Variants in LRP6 observed in about 807,000 individuals in gnomAD.
LRP6 encodes the protein low-density lipoprotein receptor-related protein 6.
In LRP6, 43 loss-of-function variants were observed where a neutral mutation model predicts 184.1. That is an observed-to-expected ratio of 0.23 (90% CI 0.18 to 0.30). The LOEUF is 0.30. Ranked by LOEUF, LRP6 falls within the 10% of genes least tolerant of loss-of-function variation. The pLI is 1.00. For missense variants in LRP6, 1,571 were observed against 2,005.3 expected (o/e 0.78, Z 4.14); for synonymous variants, 719 against 684.9 (o/e 1.05, Z -0.78).
intron 7 of LRP6, among the ~76,000 whole-genome samples, chr12:12,171,883 C>T (rs1009870684): frequency 6.6e-6 from 1 of 152,202 alleles, no homozygotes; most frequent in Admixed American, 6.5e-5. Context: ...AAAGAAATCA[C>T]TATTCCATTT....
chr12:12,244,122 T>C (rs1865129401), intron 2 of LRP6, 140 bp downstream of exon 2: 1 of 819,332 alleles, frequency 1.2e-6, no homozygotes, highest in South Asian at 1.5e-5. Context: ...CACATTCAAG[T>C]CTACTCAACA....
chr12:12,181,119 T>C lies in LRP6; in HGVS notation c.1297A>G (p.Asn433Asp), dbSNP rs1169179510. ...ATCAAGATCTTCCTCATGGTCCCAT[T>C]GAGCCTTGTCACTTCTATTCGATCA... ...GTDRIEVTRLNGTMRKILISE... is the reference protein window; with the variant it reads ...GTDRIEVTRLDGTMRKILISE... The change falls in exon 6 of 23, where the codon AAT becomes GAT. Residue 433 changes from asparagine (N) to aspartate (D), a missense_variant. Asn to Asp is a conservative substitution (Grantham distance 23). Around this residue, in one of 4 missense-constraint regions of LRP6, gnomAD observed 640 missense variants for 851.9 expected, o/e 0.75. Coordinates refer to ENST00000261349, the MANE Select transcript of LRP6 (RefSeq NM_002336.3). 1 of 1,614,138 alleles carries C rather than the reference T, an allele frequency of 6.2e-7. No homozygotes were observed. Among genetic ancestry groups the C allele is most frequent in the East Asian group, 2.2e-5 (1 of 44,886 alleles).
chr12:12,147,295 G>T, intron 15 of LRP6, 71 bp downstream of exon 15: 1 of 1,526,626 alleles, frequency 6.6e-7, no homozygotes, highest in Non-Finnish European at 9.1e-7. Context: ...ACAATACGAT[G>T]CAAGAAAAAC....
chr12:12,256,805 C>CA (rs1416918556), intron 1 of LRP6, among the ~76,000 whole-genome samples: 11 of 151,382 alleles, frequency 7.3e-5, no homozygotes, highest in East Asian at 1.9e-4. Context: ...GACTCTGTTT[C>CA]AAAAAAAACA....
intron 4 of LRP6, chr12:12,186,672 T>G (rs1863483794): frequency 2.5e-6 from 1 of 392,324 alleles, no homozygotes; most frequent in Non-Finnish European, 4.7e-6. Flanking sequence ...TTTTTTTTTT[T>G]TTTTGAGACA....
intron 17 of LRP6, among the ~76,000 whole-genome samples, chr12:12,132,454 C>T (rs541398929): frequency 1.3e-5 from 2 of 152,136 alleles, no homozygotes; most frequent in Non-Finnish European, 2.9e-5. Context: ...AACCCTTAGG[C>T]GTTCCTGAGA....
At chr12:12,193,961 C>G (rs547158818) in intron 3 of LRP6, among the ~76,000 whole-genome samples, 5 of 151,948 alleles carry the variant, frequency 3.3e-5, no homozygotes, top group Admixed American at 3.3e-4. Flanking sequence ...ATTAGCAAAC[C>G]AAATCTAACA....
intron 3 of LRP6, among the ~76,000 whole-genome samples, chr12:12,189,019 G>T (rs536120148): frequency 6.6e-6 from 1 of 151,610 alleles, no homozygotes; most frequent in Non-Finnish European, 1.5e-5. Context: ...AAAAACTCAA[G>T]GAAAAAAAAG....
At chr12:12,238,427 AGAAATATGAAT>A (rs1277147358) in intron 2 of LRP6, among the ~76,000 whole-genome samples, 4 of 152,108 alleles carry the variant, frequency 2.6e-5, no homozygotes, top group African/African-American at 9.7e-5. Flanking sequence ...CTTAGATTCT[AGAAATATGAAT>A]CCTAACCAGG....
Position 12,121,004 on chromosome 12 carries a change from A to G in LRP6, c.*122T>C. 2 of 761,916 alleles carry G rather than the reference A, an allele frequency of 2.6e-6. No homozygotes were observed. Among genetic ancestry groups the G allele is most frequent in the Non-Finnish European group, 4.1e-6 (2 of 492,628 alleles). 47.2% of individuals were successfully genotyped at this position (761,916 alleles called of 1,614,324 possible). The stretch of plus-strand genomic sequence containing the variant: ...TCCAGTATTCCCTACCCCATTTTAT[A>G]ATTTTAACTGTACATGGTCTGCCTC... On this transcript the variant is annotated 3_prime_UTR_variant, in exon 23 of 23. Transcript: ENST00000261349.
intron 11 of LRP6, 141 bp downstream of exon 11, chr12:12,159,639 C>T (rs895631639): frequency 1.3e-6 from 1 of 759,938 alleles, no homozygotes; most frequent in African/African-American, 1.8e-5. Flanking sequence ...TAATAACAAA[C>T]AGGATACAAT....
intron 1 of LRP6, among the ~76,000 whole-genome samples, chr12:12,257,701 G>A (rs1289477994): frequency 2.2e-5 from 3 of 133,820 alleles, no homozygotes; most frequent in Non-Finnish European, 3.1e-5. Context: ...CAAGCACTTT[G>A]GGAAACCAAG....
rs1404616663 is a variant in LRP6 at position 12,118,390 on chromosome 12, T to C, written c.*2736A>G. 1.3e-5 allele frequency: 2 copies of C among 152,262 alleles called. No homozygotes were observed. The highest frequency in any genetic ancestry group is 1.9e-4 in the East Asian group (1 of 5,206). The allele number at this position is 152,262 out of a possible 1,614,324, so 9.4% of individuals were successfully genotyped here. A position where few individuals can be genotyped will look rare whatever the true frequency, so the allele number is the denominator to read the frequency against. On this transcript the variant is annotated 3_prime_UTR_variant, in exon 23 of 23. Transcript: ENST00000261349. ...AGTATGTTATGCTCAAGTTTATTTC[T>C]TGGACAATTTTAATCACATCAGTTA...
chr12:12,186,829 T>C, intron 4 of LRP6, 94 bp downstream of exon 4: 1 of 1,064,298 alleles, frequency 9.4e-7, no homozygotes, highest in Non-Finnish European at 1.5e-6. Flanking sequence ...TATCTTTGGA[T>C]ATGCCCTCCC....
chr12:12,244,121 G>A, intron 2 of LRP6, 141 bp downstream of exon 2: 1 of 817,246 alleles, frequency 1.2e-6, no homozygotes, highest in Non-Finnish European at 2.0e-6. Flanking sequence ...CCACATTCAA[G>A]TCTACTCAAC....
intron 17 of LRP6, among the ~76,000 whole-genome samples, chr12:12,132,363 C>T (rs1190609061): frequency 6.6e-6 from 1 of 152,126 alleles, no homozygotes; most frequent in African/African-American, 2.4e-5. Context: ...TAGGAATAAT[C>T]AGTATAATTA....
chr12:12,195,949 C>T (rs1020321188), intron 3 of LRP6, among the ~76,000 whole-genome samples: 27 of 152,134 alleles, frequency 1.8e-4, no homozygotes, highest in Admixed American at 4.6e-4. Flanking sequence ...AAAAGACTAT[C>T]CTTTCCCCAA....
chr12:12,223,347 A>G (rs372587209), intron 2 of LRP6, among the ~76,000 whole-genome samples: 25 of 152,342 alleles, frequency 1.6e-4, no homozygotes, highest in South Asian at 6.2e-4. Context: ...TATTAGCTAC[A>G]CTGAAACCTT....
chr12:12,187,291 T>C (rs1352955223), intron 3 of LRP6, 172 bp from the exon 4 acceptor site: 2 of 641,406 alleles, frequency 3.1e-6, no homozygotes, highest in Non-Finnish European at 5.5e-6. Flanking sequence ...AATGAATTCA[T>C]ATATATTTTT....
Sources: allele counts gnomAD v4.1 joint callset (sites outside exome capture counted in the v4.1 genomes callset), GRCh38; gene constraint gnomAD v4.1.1; regional missense constraint gnomAD v4.1.1; transcripts MANE v1.5; gene names NCBI Gene and HGNC (gene_info 2026-07-23, HGNC 2026-07-21).